Variants in LUZP2 observed in about 807,000 individuals in gnomAD.
LUZP2 encodes the protein leucine zipper protein 2.
A neutral mutation model predicts 51.6 loss-of-function variants in LUZP2; 52 were observed. The observed-to-expected ratio is 1.01, with a 90% confidence interval of 0.81 to 1.27. The LOEUF (loss-of-function observed/expected upper bound fraction) is 1.27. LUZP2 is among the 50% of genes most tolerant of loss of function. The probability of loss-of-function intolerance (pLI) is 0.00; values close to 1 mark genes in which losing one functional copy is unlikely to be tolerated. For synonymous variants in LUZP2, 154 were observed against 137.3 expected, an observed-to-expected ratio of 1.12 and a Z score of -0.85; for missense variants, 436 against 395.4, an observed-to-expected ratio of 1.10 and a Z score of -0.87.
At chr11:24,900,111 T>G (rs1349924327) in intron 5 of LUZP2, among the ~76,000 whole-genome samples, 1 of 152,162 alleles carries the variant, frequency 6.6e-6, no homozygotes, top group East Asian at 1.9e-4. Context: ...TGATTTCGAA[T>G]GTATACTGAA....
chr11:24,544,300 C>A (rs1028486122), intron 1 of LUZP2, among the ~76,000 whole-genome samples: 6 of 151,884 alleles, frequency 4.0e-5, no homozygotes, highest in Non-Finnish European at 8.8e-5. Flanking sequence ...ACCTTTTATG[C>A]TAAGTTCAGA....
At chr11:24,996,221 C>A (rs1257943405) in intron 9 of LUZP2, among the ~76,000 whole-genome samples, 2 of 151,210 alleles carry the variant, frequency 1.3e-5, no homozygotes, top group Non-Finnish European at 3.0e-5. Flanking sequence ...TTTGACTGGT[C>A]ATTATTTTAT....
chr11:24,742,057 T>TATATATATATATATATATA (rs1859198755), intron 4 of LUZP2, among the ~76,000 whole-genome samples: 1 of 116,328 alleles, frequency 8.6e-6, no homozygotes, highest in Non-Finnish European at 1.6e-5. Context: ...ATAAATATAA[T>TATATATATATATATATATA]TATATATATA....
chr11:24,616,978 T>A (rs1854309467), intron 1 of LUZP2, among the ~76,000 whole-genome samples: 2 of 152,192 alleles, frequency 1.3e-5, no homozygotes, highest in African/African-American at 4.8e-5. Context: ...TCGGCTTTTG[T>A]TAGGTAAAAT....
chr11:24,736,286 ATTT>A (rs1858934117), intron 3 of LUZP2, among the ~76,000 whole-genome samples: 1 of 151,988 alleles, frequency 6.6e-6, no homozygotes, highest in Admixed American at 6.6e-5. Flanking sequence ...ATACTTTATT[ATTT>A]AATTTTTAAG....
rs911550996 is a variant in LUZP2, at chr11:25,061,694, T to G, written c.858+11564T>G. On this transcript the variant is annotated intron_variant, in intron 10 of 11. Coordinates refer to ENST00000336930, the MANE Select transcript of LUZP2 (RefSeq NM_001009909.4). ...CTCTTTGTATTGTTTTAAATAATTC[T>G]CCAGACTAATATTTGATATTTTTTC... Among the ~76,000 whole-genome samples, 4 of 152,302 alleles carry G rather than the reference T, an allele frequency of 2.6e-5. No homozygotes were observed. In the South Asian group the frequency reaches 8.3e-4, roughly 32 times the overall value.
chr11:24,966,236 T>G (rs1259959309), intron 7 of LUZP2, among the ~76,000 whole-genome samples: 3 of 151,660 alleles, frequency 2.0e-5, no homozygotes, highest in Non-Finnish European at 4.4e-5. Context: ...ATTTATTTAC[T>G]ACCTAAGTCT....
rs1858736539 is a variant in LUZP2, at chr11:24,732,135, G to A, written c.198G>A (p.Glu66=). ...KVNLQSLKND[E]QSAKTDVQKL... ...CTTATCAGTCCTTAAAAAACGATGAGCAGTCTGCCAAAACTGATGTTCAGA... is the reference window on the plus strand; with the variant it reads ...CTTATCAGTCCTTAAAAAACGATGAACAGTCTGCCAAAACTGATGTTCAGA... Residue 66 remains glutamate, a synonymous_variant, in exon 3 of 12, where the codon GAG becomes GAA. Transcript: ENST00000336930. 4 of 1,608,982 alleles carry A rather than the reference G, an allele frequency of 2.5e-6. No homozygotes were observed. The highest frequency in any genetic ancestry group is 3.4e-6 in the Non-Finnish European group (4 of 1,176,902).
At chr11:25,050,495 G>A (rs917444049) in intron 10 of LUZP2, among the ~76,000 whole-genome samples, 5 of 151,702 alleles carry the variant, frequency 3.3e-5, no homozygotes, top group Non-Finnish European at 7.4e-5. Context: ...TGGTAGAGAC[G>A]GGGTTTCACC....
intron 9 of LUZP2, among the ~76,000 whole-genome samples, chr11:25,023,931 T>G (rs1857412270): frequency 1.3e-5 from 2 of 152,170 alleles, no homozygotes; most frequent in Admixed American, 1.3e-4. Flanking sequence ...AGTTTCCATG[T>G]AGTTGAGTGG....
intron 9 of LUZP2, among the ~76,000 whole-genome samples, chr11:25,010,691 A>G (rs566229334): frequency 2.0e-4 from 30 of 152,104 alleles, no homozygotes; most frequent in African/African-American, 7.0e-4. Flanking sequence ...TCTACAAAAT[A>G]CAAAAATTAG....
At chr11:25,047,860 C>A (rs1163659373) in intron 9 of LUZP2, among the ~76,000 whole-genome samples, 1 of 152,118 alleles carries the variant, frequency 6.6e-6, no homozygotes, top group Non-Finnish European at 1.5e-5. Flanking sequence ...AGACCCTATG[C>A]CGGGTAAGAG....
chr11:24,928,248 C>G (rs1854338071), intron 7 of LUZP2, among the ~76,000 whole-genome samples: 1 of 151,912 alleles, frequency 6.6e-6, no homozygotes, highest in Admixed American at 6.6e-5. Context: ...GTCTGATTGC[C>G]CTGGCTAGAA....
In LUZP2 at chr11:24,953,413, G is replaced by C. The variant is rs115341166; in HGVS notation, c.523-23178G>C. Among the ~76,000 whole-genome samples, 1,041 of 152,028 alleles carry C rather than the reference G, an allele frequency of 6.8e-3. 13 individuals are homozygous for C. Among genetic ancestry groups the C allele is most frequent in the African/African-American group, 0.021 (860 of 41,510 alleles). Reference sequence around the variant, plus strand: ...AATCCCGACATCTACAAAATTTTATGCTGGATTGTATCCACTGTCTCCTCA... The same window carrying C: ...AATCCCGACATCTACAAAATTTTATCCTGGATTGTATCCACTGTCTCCTCA... On this transcript the variant is annotated intron_variant, in intron 7 of 11. Transcript: ENST00000336930.
chr11:24,923,388 G>A (rs1854132827), intron 7 of LUZP2, among the ~76,000 whole-genome samples: 1 of 151,852 alleles, frequency 6.6e-6, no homozygotes, highest in African/African-American at 2.4e-5. Context: ...ATTTTGTCTT[G>A]AAGCCATAGC....
At chr11:25,026,413 A>G (rs1188658633) in intron 9 of LUZP2, among the ~76,000 whole-genome samples, 1 of 152,214 alleles carries the variant, frequency 6.6e-6, no homozygotes, top group Non-Finnish European at 1.5e-5. Context: ...ACTATCCTCT[A>G]GAGATAAATT....
chr11:24,513,248 T>C (rs1850366824), intron 1 of LUZP2, among the ~76,000 whole-genome samples: 1 of 152,150 alleles, frequency 6.6e-6, no homozygotes, highest in Admixed American at 6.5e-5. Context: ...GCAAAATAGC[T>C]AAAAATTAAG....
At chr11:24,948,371 A>T (rs1053112931) in intron 7 of LUZP2, among the ~76,000 whole-genome samples, 5 of 122,858 alleles carry the variant, frequency 4.1e-5, no homozygotes, top group African/African-American at 1.5e-4. Flanking sequence ...AGTATTTTGA[A>T]CATATTTATA....
intron 1 of LUZP2, among the ~76,000 whole-genome samples, chr11:24,548,212 A>G (rs2133739464): frequency 6.6e-6 from 1 of 152,226 alleles, no homozygotes; most frequent in African/African-American, 2.4e-5. Flanking sequence ...ATATCCCCAG[A>G]GGATTATAAA....
Sources: gnomAD v4.1 joint callset for allele counts (sites outside exome capture counted in the v4.1 genomes callset) on GRCh38, gnomAD v4.1.1 for gene constraint, MANE v1.5 for transcripts, NCBI Gene and HGNC (gene_info 2026-07-23, HGNC 2026-07-21) for gene names.